Variants in ZNF546 observed in about 807,000 individuals in gnomAD.
The protein encoded by ZNF546 is zinc finger protein 546.
ZNF546 carries 60 observed loss-of-function variants against 76.2 expected under a neutral mutation model. The ratio of observed to expected loss-of-function variants is 0.79; its 90% CI spans 0.64 to 0.98. ZNF546 has a LOEUF of 0.98. Among genes scored for constraint, ZNF546 ranks in the 50% least tolerant of loss-of-function variants. ZNF546 has a pLI of 0.00. For missense variants in ZNF546, 936 were observed against 1,035.6 expected (o/e 0.90, Z 1.32); for synonymous variants, 277 against 328.1 (o/e 0.84, Z 1.68).
chr19:40,016,446 A>T lies in ZNF546; in HGVS notation c.*665A>T, dbSNP rs1034033629. On this transcript the variant is annotated 3_prime_UTR_variant, in exon 7 of 7. Coordinates refer to ENST00000347077, the MANE Select transcript of ZNF546 (RefSeq NM_178544.5). ...GAGGCAGGAAAATTGCATGAACCTAAGTGGCAGAGGTTGCAGTGAGCTGAG... is the reference window on the plus strand; with the variant it reads ...GAGGCAGGAAAATTGCATGAACCTATGTGGCAGAGGTTGCAGTGAGCTGAG... 6.6e-6 allele frequency: 1 copy of T among 152,498 alleles called. No individual in the cohort carries two copies. The highest frequency in any genetic ancestry group is 2.4e-5 in the African/African-American group (1 of 41,414). 9.4% of individuals were successfully genotyped at this position (152,498 alleles called of 1,614,324 possible).
intron 3 of ZNF546, among the ~76,000 whole-genome samples, chr19:40,003,455 GT>G (rs1442871841): frequency 6.6e-6 from 1 of 152,098 alleles, no homozygotes; most frequent in African/African-American, 2.4e-5. Context: ...CAAAAACAAA[GT>G]TTTTATTGTT....
rs182124750 is a variant in ZNF546 at position 40,001,654 on chromosome 19, G to A, written c.84+3244G>A. Among the ~76,000 whole-genome samples, 240 of 152,158 alleles carry A rather than the reference G, an allele frequency of 1.6e-3. 2 individuals are homozygous for A. The highest frequency in any genetic ancestry group is 5.6e-3 in the African/African-American group (231 of 41,496). ...TGGGATTACAAGTGTGAGCCACCGC[G>A]CTCTACCAAGAAGAGATTTCTTGAT... is the stretch of plus-strand genomic sequence containing the variant. On this transcript the variant is annotated intron_variant, in intron 3 of 6. Transcript: ENST00000347077.
In ZNF546 at chr19:40,016,111, A is replaced by G. The variant is rs234301; in HGVS notation, c.*330A>G. 30,806 of 279,800 alleles carry G rather than the reference A, an allele frequency of 0.11. 5,120 individuals carry two copies. Among genetic ancestry groups the G allele is most frequent in the African/African-American group, 0.45 (20,075 of 44,716 alleles). The allele number at this position is 279,800 out of a possible 1,614,324, so 17.3% of individuals were successfully genotyped here. A position where few individuals can be genotyped will look rare whatever the true frequency, so the allele number is the denominator to read the frequency against. ...AATCCCAGCACTGTGGAAAGACAGG[A>G]GTTCGAAACCAGCCTGGGCAACATA... is the stretch of plus-strand genomic sequence containing the variant. On this transcript the variant is annotated 3_prime_UTR_variant, in exon 7 of 7. Transcript: ENST00000347077.
chr19:40,000,597 C>T (rs924295776), intron 3 of ZNF546, among the ~76,000 whole-genome samples: 4 of 119,968 alleles, frequency 3.3e-5, no homozygotes, highest in African/African-American at 6.5e-5. Context: ...GGCTGGGCGA[C>T]AGAGTGAGAC....
chr19:40,008,054 T>C (rs1971626665), intron 5 of ZNF546, among the ~76,000 whole-genome samples: 1 of 152,136 alleles, frequency 6.6e-6, no homozygotes, highest in Non-Finnish European at 1.5e-5. Context: ...TATTAATTCA[T>C]TTAATTCTCA....
At chr19:40,004,489 G>A (rs1410561934) in intron 3 of ZNF546, among the ~76,000 whole-genome samples, 3 of 151,928 alleles carry the variant, frequency 2.0e-5, no homozygotes, top group Non-Finnish European at 4.4e-5. Context: ...GGCTGGTCTC[G>A]CACTCCTAAC....
In ZNF546 at chr19:40,007,408, A is replaced by G; in HGVS notation, c.298+8A>G. 1 of 1,576,078 alleles carries G rather than the reference A, an allele frequency of 6.3e-7. No individual in the cohort carries two copies. Among genetic ancestry groups the G allele is most frequent in the Non-Finnish European group, 8.6e-7 (1 of 1,162,026 alleles). ...GCAACCTGGTCTCACTGGGTAAGGT[A>G]TCTTTCGAAATCGTTTACAATCTGT... On this transcript the variant is annotated splice_region_variant and intron_variant, in intron 5 of 6. Coordinates refer to ENST00000347077, the MANE Select transcript of ZNF546 (RefSeq NM_178544.5).
intron 4 of ZNF546, among the ~76,000 whole-genome samples, chr19:40,006,515 G>A (rs143770492): frequency 6.6e-6 from 1 of 152,208 alleles, no homozygotes; most frequent in Admixed American, 6.5e-5. Flanking sequence ...GAATTTCCAA[G>A]GGATGAATAA....
chr19:40,005,468 G>A (rs1036481516), intron 3 of ZNF546, among the ~76,000 whole-genome samples: 1 of 152,100 alleles, frequency 6.6e-6, no homozygotes, highest in African/African-American at 2.4e-5. Flanking sequence ...ATTTCCCTGT[G>A]ATGTTGCTCA....
chr19:40,014,613 A>G lies in ZNF546; in HGVS notation c.1343A>G (p.Lys448Arg), dbSNP rs200645281. The G allele has an allele frequency of 1.3e-5, 21 of 1,613,526 alleles. No homozygotes were observed. Among genetic ancestry groups the G allele is most frequent in the Admixed American group, 5.0e-5 (3 of 59,968 alleles). ...EKPYECRECG[K>R]AFRLQTELTR... ...CCCTATGAATGTAGAGAATGTGGAA[A>G]AGCCTTTCGTCTTCAAACGGAACTT... is the stretch of plus-strand genomic sequence containing the variant. Residue 448 changes from lysine (K) to arginine (R), a missense_variant, in exon 7 of 7, where the codon AAA becomes AGA. By Grantham distance (26) the Lys-to-Arg change is conservative. Coordinates refer to ENST00000347077, the MANE Select transcript of ZNF546 (RefSeq NM_178544.5).
chr19:40,004,761 A>C (rs73547620), intron 3 of ZNF546, among the ~76,000 whole-genome samples: 9,413 of 151,984 alleles, frequency 0.062, 491 homozygotes, highest in East Asian at 0.18. Flanking sequence ...TATATTGTAC[A>C]TTCTGGGTTT....
chr19:40,013,740 A>C lies in ZNF546; in HGVS notation c.470A>C (p.Gln157Pro). The C allele has an allele frequency of 6.2e-7, 1 of 1,611,034 alleles. No individual in the cohort carries two copies. The highest frequency in any genetic ancestry group is 8.5e-7 in the Non-Finnish European group (1 of 1,179,358). ...TGCAAAATCTATTTATCTCAATTGC[A>C]GACAGGGGAAAAAAGTAAAAACACC... ...NVCKIYLSQL[Q>P]TGEKSKNTIH... is the part of the protein sequence containing the mutation. The change falls in exon 7 of 7, where the codon CAG becomes CCG. Residue 157 changes from glutamine (Q) to proline (P), a missense_variant. By Grantham distance (76) the Gln-to-Pro change is moderately conservative (BLOSUM62 -1). Coordinates refer to ENST00000347077, the MANE Select transcript of ZNF546 (RefSeq NM_178544.5).
chr19:40,019,862 C>A lies in ZNF546; in HGVS notation c.*4081C>A, dbSNP rs946347066. 3 of 152,226 alleles carry A rather than the reference C, an allele frequency of 2.0e-5. No individual in the cohort carries two copies. Among genetic ancestry groups the A allele is most frequent in the Non-Finnish European group, 2.9e-5 (2 of 68,028 alleles). 9.4% of individuals were successfully genotyped at this position (152,226 alleles called of 1,614,324 possible). A position where few individuals can be genotyped will look rare whatever the true frequency, so the allele number is the denominator to read the frequency against. On this transcript the variant is annotated 3_prime_UTR_variant, in exon 7 of 7. Transcript: ENST00000347077. ...GGAAGAGCTGATCCAGTCCAAGTAT[C>A]TTCAAGATCCATGTTCTCAGTTTTT...
At position 40,015,956 on chromosome 19, in the gene ZNF546, G is replaced by A; in HGVS notation, c.*175G>A. On this transcript the variant is annotated 3_prime_UTR_variant, in exon 7 of 7. Transcript: ENST00000347077. ...CTATAGCATCACTCAGTCCCTGTTA[G>A]ACTTTAGAAGATTGATACTGATGCA... The A allele has an allele frequency of 1.6e-6, 1 of 636,782 alleles. No individual in the cohort carries two copies. The highest frequency in any genetic ancestry group is 2.7e-6 in the Non-Finnish European group (1 of 368,606). 39.4% of individuals were successfully genotyped at this position (636,782 alleles called of 1,614,324 possible).
At position 40,012,816 on chromosome 19, in the gene ZNF546, C is replaced by CT. The variant is rs879507609; in HGVS notation, c.395-834dup. Among the ~76,000 whole-genome samples, 1,137 of 141,534 alleles carry CT rather than the reference C, an allele frequency of 8.0e-3. 9 individuals are homozygous for CT. The highest frequency in any genetic ancestry group is 0.021 in the African/African-American group (818 of 38,972). 92.9% of individuals were successfully genotyped at this position (141,534 alleles called of 152,430 possible). On this transcript the variant is annotated intron_variant, in intron 6 of 6. Coordinates refer to ENST00000347077, the MANE Select transcript of ZNF546 (RefSeq NM_178544.5). ...TATCCTATTCACCTATTTTACCATT[C>CT]TTTTTTTTTTTTTTTGAGACAGAGT... is the stretch of plus-strand genomic sequence containing the variant.
intron 3 of ZNF546, among the ~76,000 whole-genome samples, chr19:40,001,668 A>T (rs993100505): frequency 1.3e-5 from 2 of 152,102 alleles, no homozygotes; most frequent in East Asian, 3.8e-4. Context: ...TACCAAGAAG[A>T]GATTTCTTGA....
chr19:40,013,211 C>T (rs1226417651), intron 6 of ZNF546, among the ~76,000 whole-genome samples: 1 of 152,186 alleles, frequency 6.6e-6, no homozygotes, highest in Non-Finnish European at 1.5e-5. Flanking sequence ...CAGGAACCAG[C>T]AAACTATAGC....
At chr19:40,004,520 C>T (rs938024543) in intron 3 of ZNF546, among the ~76,000 whole-genome samples, 7 of 152,238 alleles carry the variant, frequency 4.6e-5, no homozygotes, top group Non-Finnish European at 7.4e-5. Flanking sequence ...CCAGCCACCT[C>T]GGCCTCCCAG....
Position 40,015,582 on chromosome 19 carries a change from A to T in ZNF546, c.2312A>T (p.His771Leu), listed in dbSNP as rs750069302. The change falls in exon 7 of 7, where the codon CAC (histidine) becomes CTC (leucine). Residue 771 changes from histidine to leucine, a missense_variant. By Grantham distance (99) the His-to-Leu change is moderately conservative (BLOSUM62 -3). Coordinates refer to ENST00000347077, the MANE Select transcript of ZNF546 (RefSeq NM_178544.5). ...GAACTTACTCGACATCACATAGTTC[A>T]CACGGGTGAGAAACCCTATAAATGT... ...QAELTRHHIV[H>L]TGEKPYKCKE... The T allele has an allele frequency of 6.2e-7, 1 of 1,614,194 alleles. No individual in the cohort carries two copies. Among genetic ancestry groups the T allele is most frequent in the Non-Finnish European group, 8.5e-7 (1 of 1,180,052 alleles).
Sources: allele counts gnomAD v4.1 joint callset (sites outside exome capture counted in the v4.1 genomes callset), GRCh38; gene constraint gnomAD v4.1.1; transcripts MANE v1.5; gene names NCBI Gene and HGNC (gene_info 2026-07-23, HGNC 2026-07-21).